The following ACSM2A variants were observed in gnomAD, a reference collection of about 807,000 sequenced individuals.
ACSM2A encodes acyl-coenzyme A synthetase ACSM2A, mitochondrial.
ACSM2A carries 72 observed loss-of-function variants against 76.6 expected under a neutral mutation model. The ratio of observed to expected loss-of-function variants is 0.94; its 90% CI spans 0.78 to 1.14. ACSM2A has a LOEUF of 1.14. Among genes scored for constraint, ACSM2A ranks in the 50% most tolerant of loss-of-function variants. The probability of loss-of-function intolerance (pLI) is 0.00; values close to 1 mark genes in which losing one functional copy is unlikely to be tolerated. For synonymous variants in ACSM2A, 249 were observed against 255.9 expected (o/e 0.97, Z 0.26); for missense variants, 684 against 708.5 (o/e 0.97, Z 0.39).
intron 10 of ACSM2A, among the ~76,000 whole-genome samples, chr16:20,479,118 G>T (rs1350307700): frequency 2.0e-5 from 3 of 152,002 alleles, no homozygotes; most frequent in Non-Finnish European, 4.4e-5. Context: ...TCAGATCTTG[G>T]GAAGGTAAAG....
At chr16:20,477,312 T>C (rs1056824040) in intron 8 of ACSM2A, 57 bp from the exon 9 acceptor site, 4 of 1,573,774 alleles carry the variant, frequency 2.5e-6, no homozygotes, top group Non-Finnish European at 3.4e-6. Context: ...TTTTTTCTTT[T>C]TCTGTGACCT....
chr16:20,483,863 C>G (rs1292032684), intron 13 of ACSM2A, among the ~76,000 whole-genome samples: 1 of 152,116 alleles, frequency 6.6e-6, no homozygotes, highest in East Asian at 1.9e-4. Flanking sequence ...GTGGGGAAAG[C>G]TTTCATTATG....
chr16:20,452,918 C>T (rs531790674), intron 1 of ACSM2A, among the ~76,000 whole-genome samples: 44 of 152,158 alleles, frequency 2.9e-4, no homozygotes, highest in African/African-American at 9.4e-4. Context: ...TACATCATAC[C>T]TTTGACCATA....
At chr16:20,459,978 T>C (rs2012504550) in intron 1 of ACSM2A, 129 bp from the exon 2 acceptor site, 1 of 1,413,954 alleles carries the variant, frequency 7.1e-7, no homozygotes, top group Admixed American at 2.9e-5. Flanking sequence ...GCCAATTTAC[T>C]CATAACTACA....
chr16:20,469,009 C>G (rs1336366667), intron 3 of ACSM2A, among the ~76,000 whole-genome samples: 1 of 152,130 alleles, frequency 6.6e-6, no homozygotes, highest in African/African-American at 2.4e-5. Context: ...TACAACTATA[C>G]TTTGTGTGTA....
Position 20,467,648 on chromosome 16 carries a change from C to T in ACSM2A, c.389-1864C>T, listed in dbSNP as rs147185533. ...CATTTCAGCAAGTGGGTGGATGGTG[C>T]TTTCTTTCACTGGAGTGAAGAACAC... On this transcript the variant is annotated intron_variant, in intron 3 of 13. Coordinates refer to ENST00000573854, the MANE Select transcript of ACSM2A (RefSeq NM_001308172.2). Among the ~76,000 whole-genome samples, 190 of 152,142 alleles carry T rather than the reference C, an allele frequency of 1.2e-3. 2 individuals carry two copies. In the South Asian group the frequency reaches 0.014, roughly 11 times the overall value.
chr16:20,478,414 A>C lies in ACSM2A; in HGVS notation c.1180-162A>C, dbSNP rs564103816. Among the ~76,000 whole-genome samples the C allele has an allele frequency of 2.2e-4, 34 of 152,280 alleles. No homozygotes were observed. The South Asian group carries it at 6.8e-3, about 31-fold the overall frequency. ...ACTATTCCAGGCAGATAGATCAGAGATCTGAGTTTAAGACTCTTGGGTTCC... is the reference window on the plus strand; with the variant it reads ...ACTATTCCAGGCAGATAGATCAGAGCTCTGAGTTTAAGACTCTTGGGTTCC... On this transcript the variant is annotated intron_variant, in intron 9 of 13. Coordinates refer to ENST00000573854, the MANE Select transcript of ACSM2A (RefSeq NM_001308172.2).
At chr16:20,465,279 ATTT>A (rs1166023708) in intron 2 of ACSM2A, among the ~76,000 whole-genome samples, 1 of 152,216 alleles carries the variant, frequency 6.6e-6, no homozygotes, top group Non-Finnish European at 1.5e-5. Context: ...TATTACAGTT[ATTT>A]CTAAAAGCAT....
At chr16:20,479,082 C>T (rs886793498) in intron 10 of ACSM2A, among the ~76,000 whole-genome samples, 1 of 152,086 alleles carries the variant, frequency 6.6e-6, no homozygotes, top group Non-Finnish European at 1.5e-5. Flanking sequence ...TAAGACTTCA[C>T]CATCTAGTTG....
intron 8 of ACSM2A, 112 bp from the exon 9 acceptor site, chr16:20,477,257 G>A (rs1395938122): frequency 1.4e-6 from 2 of 1,437,414 alleles, no homozygotes; most frequent in East Asian, 2.4e-5. Context: ...GAGCCACCAA[G>A]TGCAGGCCAA....
intron 10 of ACSM2A, among the ~76,000 whole-genome samples, chr16:20,479,130 C>T (rs2013940683): frequency 6.6e-6 from 1 of 152,062 alleles, no homozygotes; most frequent in Non-Finnish European, 1.5e-5. Flanking sequence ...AAGGTAAAGA[C>T]AGATAATCCT....
chr16:20,454,290 T>G (rs1392825861), intron 1 of ACSM2A, among the ~76,000 whole-genome samples: 3 of 151,248 alleles, frequency 2.0e-5, no homozygotes, highest in Non-Finnish European at 4.4e-5. Flanking sequence ...GTTCCCCTGA[T>G]AGATTGGAAA....
chr16:20,470,980 T>C, intron 4 of ACSM2A, 93 bp from the exon 5 acceptor site: 4 of 1,559,436 alleles, frequency 2.6e-6, no homozygotes, highest in Non-Finnish European at 3.5e-6. Context: ...AACTTGCCCT[T>C]TTCAGCACAG....
chr16:20,472,986 G>A (rs762712150), intron 6 of ACSM2A, among the ~76,000 whole-genome samples: 6 of 152,150 alleles, frequency 3.9e-5, no homozygotes, highest in African/African-American at 9.7e-5. Flanking sequence ...CAGCCATTAA[G>A]TAAGACCCAC....
rs2011746176 is a variant in ACSM2A, at chr16:20,451,617, C to CCAAGGCTA, written c.-73_-72insCAAGGCTA. ...TTCCAAGGCTGTAGGAGTTCTGGAG[C>CCAAGGCTA]TGCTGGCTGGAGAGGAGGGTGGACG... On this transcript the variant is annotated 5_prime_UTR_variant, in exon 1 of 14. The change creates a new upstream start codon in the 5' untranslated region. Coordinates refer to ENST00000573854, the MANE Select transcript of ACSM2A (RefSeq NM_001308172.2). The CCAAGGCTA allele has an allele frequency of 2.0e-5, 3 of 152,376 alleles. No individual in the cohort carries two copies. The Admixed American group carries it at 2.0e-4, about 10-fold the overall frequency. The allele number at this position is 152,376 out of a possible 1,614,324, so 9.4% of individuals were successfully genotyped here. A position where few individuals can be genotyped will look rare whatever the true frequency, so the allele number is the denominator to read the frequency against.
chr16:20,477,590 G>T lies in ACSM2A; in HGVS notation c.1179+141G>T, dbSNP rs2013825132. On this transcript the variant is annotated intron_variant, in intron 9 of 13. Transcript: ENST00000573854. ...CATAAGAAAAAAAGGAGGTAGGGAG[G>T]TTGGGGGAAGGAAAGAGTGAGGGAA... The T allele has an allele frequency of 2.1e-6, 3 of 1,424,348 alleles. No homozygotes were observed. The East Asian group carries it at 7.3e-5, about 35-fold the overall frequency. The allele number at this position is 1,424,348 out of a possible 1,614,324, so 88.2% of individuals were successfully genotyped here.
In ACSM2A at chr16:20,478,671, C is replaced by A. The variant is rs373314632; in HGVS notation, c.1275C>A (p.Gly425=). 6.2e-7 allele frequency: 1 copy of A among 1,611,666 alleles called. No individual in the cohort carries two copies. Among genetic ancestry groups the A allele is most frequent in the African/African-American group, 1.3e-5 (1 of 74,854 alleles). The part of the protein sequence containing the change: ...KPIRPIGIFS[G]YVDNPDKTAA... The stretch of plus-strand genomic sequence containing the variant: ...TCAGGCCTATAGGCATCTTCTCTGG[C>A]TATGTGGTGAGAAACTGTGCTCCTC... Residue 425 remains glycine, a synonymous_variant, in exon 10 of 14, where the codon GGC becomes GGA. Transcript: ENST00000573854.
intron 2 of ACSM2A, among the ~76,000 whole-genome samples, chr16:20,460,560 G>T (rs374769412): frequency 2.6e-5 from 4 of 152,074 alleles, no homozygotes; most frequent in African/African-American, 9.6e-5. Context: ...GACTGCACAT[G>T]CTCTGTTGTG....
chr16:20,483,185 C>T lies in ACSM2A; in HGVS notation c.1629+8C>T. 2.5e-6 allele frequency: 4 copies of T among 1,613,310 alleles called. No individual in the cohort carries two copies. Among genetic ancestry groups the T allele is most frequent in the Non-Finnish European group, 3.4e-6 (4 of 1,179,518 alleles). On this transcript the variant is annotated splice_region_variant and intron_variant, in intron 13 of 13. Coordinates refer to ENST00000573854, the MANE Select transcript of ACSM2A (RefSeq NM_001308172.2). ...TACAAGTACCCAAGAAAGGTAAGGC[C>T]TTTGAGCTCCCAAGTCACTCAAACT...
Sources: allele counts gnomAD v4.1 joint callset (sites outside exome capture counted in the v4.1 genomes callset), GRCh38; gene constraint gnomAD v4.1.1; transcripts MANE v1.5; gene names NCBI Gene and HGNC (gene_info 2026-07-23, HGNC 2026-07-21).